Variants in TMTC1 observed in about 807,000 individuals in gnomAD.
TMTC1 encodes protein O-mannosyl-transferase TMTC1.
A neutral mutation model predicts 104.8 loss-of-function variants in TMTC1; 73 were observed. The ratio of observed to expected loss-of-function variants is 0.70; its 90% CI spans 0.58 to 0.85. The LOEUF is 0.85. TMTC1 is among the 40% of genes least tolerant of loss of function. TMTC1 has a pLI of 0.00. For missense variants in TMTC1, 1,035 were observed against 1,096.1 expected (o/e 0.94, Z 0.79); for synonymous variants, 434 against 428.7 (o/e 1.01, Z -0.15).
At chr12:29,668,945 A>C (rs2136672590) in intron 5 of TMTC1, among the ~76,000 whole-genome samples, 1 of 152,348 alleles carries the variant, frequency 6.6e-6, no homozygotes, top group African/African-American at 2.4e-5. Context: ...TTGAAACACA[A>C]GTGCCATCCA....
chr12:29,679,087 C>A (rs1360793273), intron 5 of TMTC1, among the ~76,000 whole-genome samples: 1 of 152,086 alleles, frequency 6.6e-6, no homozygotes, highest in Non-Finnish European at 1.5e-5. Context: ...TTCATACAAC[C>A]ATGCAGTGCA....
At chr12:29,723,009 A>G (rs1047210607) in intron 5 of TMTC1, among the ~76,000 whole-genome samples, 4 of 151,894 alleles carry the variant, frequency 2.6e-5, no homozygotes, top group African/African-American at 9.7e-5. Flanking sequence ...AAGACACAAA[A>G]ATCAATTTTA....
chr12:29,520,449 G>A (rs1209559747), intron 12 of TMTC1, among the ~76,000 whole-genome samples, 169 bp downstream of exon 12: 1 of 152,168 alleles, frequency 6.6e-6, no homozygotes, highest in Non-Finnish European at 1.5e-5. Context: ...ACTGAATCGA[G>A]CTTGAAGATC....
intron 5 of TMTC1, among the ~76,000 whole-genome samples, chr12:29,672,745 G>T (rs141434155): frequency 6.6e-6 from 1 of 152,254 alleles, no homozygotes; most frequent in African/African-American, 2.4e-5. Flanking sequence ...TCTCTCAGGG[G>T]CCAAGTAGGA....
rs181639822 is a variant in TMTC1 at position 29,508,007 on chromosome 12, G to A, written c.2509-1021C>T. Among the ~76,000 whole-genome samples, 24 of 152,294 alleles carry A rather than the reference G, an allele frequency of 1.6e-4. No individual in the cohort carries two copies. The East Asian group carries it at 4.2e-3, about 27-fold the overall frequency. On this transcript the variant is annotated intron_variant, in intron 17 of 17. Transcript: ENST00000539277. ...GCAACAAACAACTAATACTTATCCA[G>A]TGCTTACCTATCTTCCAAATACCTG...
chr12:29,550,592 A>G (rs1945069315), intron 10 of TMTC1, among the ~76,000 whole-genome samples: 1 of 152,106 alleles, frequency 6.6e-6, no homozygotes, highest in Non-Finnish European at 1.5e-5. Flanking sequence ...AGCATTTCGG[A>G]GTTCAAATGC....
chr12:29,740,172 C>A (rs905584358), intron 5 of TMTC1, among the ~76,000 whole-genome samples: 1 of 152,082 alleles, frequency 6.6e-6, no homozygotes, highest in Non-Finnish European at 1.5e-5. Flanking sequence ...CACCACCATG[C>A]CTAGCTCATT....
intron 5 of TMTC1, among the ~76,000 whole-genome samples, chr12:29,720,917 C>T (rs567340140): frequency 2.0e-5 from 3 of 151,830 alleles, no homozygotes; most frequent in Non-Finnish European, 4.4e-5. Flanking sequence ...AAGAGAAAAC[C>T]CTGATTATAT....
At chr12:29,642,589 G>C (rs984203403) in intron 5 of TMTC1, among the ~76,000 whole-genome samples, 2 of 151,996 alleles carry the variant, frequency 1.3e-5, no homozygotes, top group African/African-American at 4.8e-5. Context: ...TGCTAAAAGC[G>C]GCTCTAAATC....
intron 10 of TMTC1, among the ~76,000 whole-genome samples, chr12:29,537,553 C>T (rs1007111789): frequency 6.6e-5 from 10 of 152,146 alleles, no homozygotes; most frequent in Non-Finnish European, 1.2e-4. Context: ...AAGTGTGATT[C>T]ATAGACCTGT....
In TMTC1 at chr12:29,506,095, T is replaced by TA. The variant is rs1442326621; in HGVS notation, c.*750dup. ...GATTTTAAATGCACTTTTGAAATCT[T>TA]AGAGTAGAACCACCACTCTAGTAAT... On this transcript the variant is annotated 3_prime_UTR_variant, in exon 18 of 18. Transcript: ENST00000539277. 2 of 152,156 alleles carry TA rather than the reference T, an allele frequency of 1.3e-5. No individual in the cohort carries two copies. Among genetic ancestry groups the TA allele is most frequent in the African/African-American group, 2.4e-5 (1 of 41,436 alleles). 9.4% of individuals were successfully genotyped at this position (152,156 alleles called of 1,614,324 possible).
chr12:29,770,196 A>T (rs1462218861), intron 1 of TMTC1, among the ~76,000 whole-genome samples: 1 of 152,184 alleles, frequency 6.6e-6, no homozygotes, highest in African/African-American at 2.4e-5. Flanking sequence ...CAACCATTCA[A>T]AAACTGAAAA....
chr12:29,583,385 A>AT (rs1946037220), intron 8 of TMTC1, 22 bp downstream of exon 8: 4 of 1,601,318 alleles, frequency 2.5e-6, no homozygotes, highest in Non-Finnish European at 3.4e-6. Context: ...GAAGATATTT[A>AT]TTTTTATCTG....
chr12:29,733,193 T>C (rs1164341127), intron 5 of TMTC1, among the ~76,000 whole-genome samples: 1 of 152,218 alleles, frequency 6.6e-6, no homozygotes, highest in Non-Finnish European at 1.5e-5. Context: ...ATGAGAGAGA[T>C]GTTACATTAG....
At chr12:29,611,304 A>G (rs1434457263) in intron 6 of TMTC1, among the ~76,000 whole-genome samples, 1 of 152,060 alleles carries the variant, frequency 6.6e-6, no homozygotes, top group African/African-American at 2.4e-5. Context: ...TACCTTTCAG[A>G]ATTAAGTGAG....
At chr12:29,538,442 A>C (rs1565655008) in intron 10 of TMTC1, among the ~76,000 whole-genome samples, 1 of 152,188 alleles carries the variant, frequency 6.6e-6, no homozygotes, top group African/African-American at 2.4e-5. Context: ...ATCCTCTCAA[A>C]GTCCAAAGGA....
At chr12:29,637,085 AACACACACAC>A (rs200543052) in intron 5 of TMTC1, among the ~76,000 whole-genome samples, 5 of 47,696 alleles carry the variant, frequency 1.0e-4, no homozygotes, top group African/African-American at 1.7e-4. Context: ...CAAAATGAGA[AACACACACAC>A]ACACACACAC....
At chr12:29,532,351 C>A (rs1267430801) in intron 11 of TMTC1, among the ~76,000 whole-genome samples, 4 of 151,854 alleles carry the variant, frequency 2.6e-5, no homozygotes. Flanking sequence ...GGAAATTATT[C>A]TGGAATTTAT....
At chr12:29,538,007 G>C (rs1944692378) in intron 10 of TMTC1, among the ~76,000 whole-genome samples, 1 of 152,160 alleles carries the variant, frequency 6.6e-6, no homozygotes, top group African/African-American at 2.4e-5. Context: ...AGGAGAGGTG[G>C]TGGTCTGCAC....
Sources: gnomAD v4.1 joint callset for allele counts (sites outside exome capture counted in the v4.1 genomes callset) on GRCh38, gnomAD v4.1.1 for gene constraint, MANE v1.5 for transcripts, NCBI Gene and HGNC (gene_info 2026-07-23, HGNC 2026-07-21) for gene names.